The following AXDND1 variants were observed in gnomAD, a reference collection of about 807,000 sequenced individuals.
AXDND1 encodes the protein axonemal dynein light chain domain containing 1.
Under a neutral mutation model 137.5 loss-of-function variants are expected in AXDND1, and 110 were observed. That is an observed-to-expected ratio of 0.80 (90% CI 0.69 to 0.94). AXDND1 has a LOEUF of 0.94. AXDND1 is among the 40% of genes least tolerant of loss of function. The pLI is 0.00. For synonymous variants in AXDND1, 414 were observed against 399.7 expected (o/e 1.04, Z -0.43); for missense variants, 1,191 against 1,169.8 (o/e 1.02, Z -0.26).
At chr1:179,470,301 C>T (rs963762770) in intron 17 of AXDND1, among the ~76,000 whole-genome samples, 7 of 152,144 alleles carry the variant, frequency 4.6e-5, no homozygotes, top group Admixed American at 3.3e-4. Context: ...TTTCTGGGTA[C>T]CTTGCAATTC....
intron 14 of AXDND1, 137 bp downstream of exon 14, chr1:179,430,743 C>G (rs1158715220): frequency 1.0e-5 from 9 of 874,546 alleles, no homozygotes; most frequent in Non-Finnish European, 1.6e-5. Context: ...TATGAAGGCA[C>G]AATCCTGCTA....
At chr1:179,526,722 G>C (rs1208174226) in intron 22 of AXDND1, among the ~76,000 whole-genome samples, 2 of 152,186 alleles carry the variant, frequency 1.3e-5, no homozygotes, top group African/African-American at 4.8e-5. Flanking sequence ...AGCATTTTCT[G>C]TTTTATTTCT....
intron 18 of AXDND1, among the ~76,000 whole-genome samples, chr1:179,487,677 T>C (rs9787148): frequency 0.5 from 73,780 of 147,478 alleles, 21,714 homozygotes; most frequent in East Asian, 0.76. Context: ...AATACATCAT[T>C]AGAATGATAA....
chr1:179,475,734 G>C (rs772922570), intron 17 of AXDND1, among the ~76,000 whole-genome samples: 2 of 152,202 alleles, frequency 1.3e-5, no homozygotes, highest in Non-Finnish European at 2.9e-5. Context: ...GACTTTGGGG[G>C]ACTGTTGGGA....
intron 25 of AXDND1, among the ~76,000 whole-genome samples, chr1:179,538,497 T>C (rs150200835): frequency 0.32 from 48,052 of 151,784 alleles, 8,188 homozygotes; most frequent in Middle Eastern, 0.43. Context: ...TGTTGTTGTG[T>C]GGTTTTGAGT....
intron 16 of AXDND1, among the ~76,000 whole-genome samples, chr1:179,468,197 A>G (rs981001852): frequency 6.6e-6 from 1 of 152,198 alleles, no homozygotes; most frequent in African/African-American, 2.4e-5. Context: ...AAAGACAAGA[A>G]ATGTAGGATA....
intron 21 of AXDND1, among the ~76,000 whole-genome samples, chr1:179,519,097 A>C (rs1022336818): frequency 2.0e-5 from 3 of 152,172 alleles, no homozygotes; most frequent in African/African-American, 7.2e-5. Context: ...CTGGTGTTAG[A>C]TGGTAGCTCA....
rs553318613 is a variant in AXDND1, at chr1:179,554,724, T to C, written c.*205T>C. The C allele has an allele frequency of 4.0e-5, 28 of 701,664 alleles. No individual in the cohort carries two copies. Among genetic ancestry groups the C allele is most frequent in the Non-Finnish European group, 6.0e-5 (24 of 401,222 alleles). The allele number at this position is 701,664 out of a possible 1,614,324, so 43.5% of individuals were successfully genotyped here. On this transcript the variant is annotated 3_prime_UTR_variant, in exon 26 of 26. Coordinates refer to ENST00000367618, the MANE Select transcript of AXDND1 (RefSeq NM_144696.6). Reference sequence around the variant, plus strand: ...TGCATGGTGCCACCCAATAAATATCTGTGCAATTGAAGATGGTGTGGTATG... The same window carrying C: ...TGCATGGTGCCACCCAATAAATATCCGTGCAATTGAAGATGGTGTGGTATG...
intron 11 of AXDND1, among the ~76,000 whole-genome samples, chr1:179,410,701 G>A (rs917037390): frequency 6.6e-6 from 1 of 152,146 alleles, no homozygotes; most frequent in Non-Finnish European, 1.5e-5. Context: ...AAAAATTTTA[G>A]TGGCTCACAA....
Position 179,429,538 on chromosome 1 carries a change from C to T in AXDND1, c.1251C>T (p.Val417=), listed in dbSNP as rs2125306176. The change falls in exon 13 of 26, where the codon GTC becomes GTT. Residue 417 remains valine (V), a synonymous_variant. Coordinates refer to ENST00000367618, the MANE Select transcript of AXDND1 (RefSeq NM_144696.6). ...LALKVIERNR[V]ILARRLYLNE... ...TATAGGTGATTGAAAGAAATAGAGT[C>T]ATATTGGCTAGAAGACTTTACCTTA... 6.5e-7 allele frequency: 1 copy of T among 1,547,022 alleles called. No homozygotes were observed. The highest frequency in any genetic ancestry group is 8.7e-7 in the Non-Finnish European group (1 of 1,148,438).
At chr1:179,534,598 G>T in intron 24 of AXDND1, 132 bp from the exon 25 acceptor site, 32 of 1,122,466 alleles carry the variant, frequency 2.9e-5, no homozygotes, top group Middle Eastern at 3.1e-4. Context: ...AATCATTGAT[G>T]CTGTTGCTTC....
chr1:179,504,523 C>G (rs971286223), intron 20 of AXDND1, among the ~76,000 whole-genome samples: 5 of 152,172 alleles, frequency 3.3e-5, no homozygotes, highest in Non-Finnish European at 5.9e-5. Context: ...TGAGGTGTAT[C>G]TCCCTATAAA....
intron 25 of AXDND1, chr1:179,552,383 G>A (rs1673416481): frequency 3.3e-6 from 2 of 602,366 alleles, no homozygotes; most frequent in Non-Finnish European, 6.0e-6. Context: ...CTCAAGCAGT[G>A]AGTGGTCACT....
intron 12 of AXDND1, among the ~76,000 whole-genome samples, chr1:179,421,350 CTTTTCT>C (rs1225855513): frequency 7.0e-6 from 1 of 143,000 alleles, no homozygotes; most frequent in East Asian, 2.0e-4. Flanking sequence ...TCCTTCCTTC[CTTTTCT>C]TTTTCTTTTC....
At chr1:179,369,274 C>G (rs1022070989) in intron 3 of AXDND1, among the ~76,000 whole-genome samples, 2 of 138,628 alleles carry the variant, frequency 1.4e-5, no homozygotes, top group Non-Finnish European at 3.4e-5. Flanking sequence ...GACGGAGTTT[C>G]GCCATGTTGC....
chr1:179,419,061 C>T (rs1441940978), intron 12 of AXDND1, among the ~76,000 whole-genome samples: 6 of 151,754 alleles, frequency 4.0e-5, no homozygotes, highest in African/African-American at 9.7e-5. Flanking sequence ...GATGGGATGG[C>T]GGCGGGGAAG....
chr1:179,420,376 T>C (rs1655489478), intron 12 of AXDND1, among the ~76,000 whole-genome samples: 1 of 152,230 alleles, frequency 6.6e-6, no homozygotes, highest in African/African-American at 2.4e-5. Flanking sequence ...ACATCTGTGT[T>C]CATCCATGAT....
chr1:179,378,823 G>T, intron 5 of AXDND1, 66 bp downstream of exon 5: 3 of 1,235,870 alleles, frequency 2.4e-6, no homozygotes, highest in Middle Eastern at 2.3e-4. Context: ...ATTTTAAAAT[G>T]ATTTTTAATA....
Position 179,491,612 on chromosome 1 carries a change from C to T in AXDND1, c.2166C>T (p.Asp722=), listed in dbSNP as rs752000577. 2 of 1,613,656 alleles carry T rather than the reference C, an allele frequency of 1.2e-6. No individual in the cohort carries two copies. The highest frequency in any genetic ancestry group is 1.7e-5 in the Admixed American group (1 of 60,002). ...TTTTAATGATACCCAACTTTACTGA[C>T]CAAGACTGTCTCCTAAAGTTGGAGG... is the stretch of plus-strand genomic sequence containing the variant. ...LLILMIPNFT[D]QDCLLKLEEE... The change falls in exon 19 of 26, where the codon GAC becomes GAT. Residue 722 remains aspartate (D), a synonymous_variant. Coordinates refer to ENST00000367618, the MANE Select transcript of AXDND1 (RefSeq NM_144696.6).
Sources: gnomAD v4.1 joint callset for allele counts (sites outside exome capture counted in the v4.1 genomes callset) on GRCh38, gnomAD v4.1.1 for gene constraint, MANE v1.5 for transcripts, NCBI Gene and HGNC (gene_info 2026-07-23, HGNC 2026-07-21) for gene names.